Variants in FOCAD observed in about 807,000 individuals in gnomAD.
FOCAD encodes the protein focadhesin, also known as KIAA1797.
A neutral mutation model predicts 225.6 loss-of-function variants in FOCAD; 198 were observed. That is an observed-to-expected ratio of 0.88 (90% CI 0.78 to 0.99). The LOEUF is 0.99. Ranked by LOEUF, FOCAD falls within the 50% of genes least tolerant of loss-of-function variation. The probability of loss-of-function intolerance (pLI) is 0.00; values close to 1 mark genes in which losing one functional copy is unlikely to be tolerated. For synonymous variants in FOCAD, 897 were observed against 755.0 expected (o/e 1.19, Z -3.08); for missense variants, 2,713 against 2,123.6 (o/e 1.28, Z -5.46).
chr9:20,928,372 G>A (rs181811301), intron 26 of FOCAD, among the ~76,000 whole-genome samples: 10 of 152,230 alleles, frequency 6.6e-5, no homozygotes, highest in South Asian at 4.1e-4. Context: ...AACTTAGTAC[G>A]TTTGATTTTT....
chr9:20,685,645 AGC>A (rs1434310449), intron 1 of FOCAD, among the ~76,000 whole-genome samples: 1 of 152,220 alleles, frequency 6.6e-6, no homozygotes, highest in Non-Finnish European at 1.5e-5. Context: ...CAATTTTCAA[AGC>A]ATTTTCACTT....
intron 5 of FOCAD, among the ~76,000 whole-genome samples, chr9:20,753,005 A>G (rs1354591232): frequency 2.0e-5 from 3 of 151,472 alleles, no homozygotes; most frequent in Non-Finnish European, 4.4e-5. Context: ...TTGTACATTG[A>G]TTTTGTATCC....
At chr9:20,927,759 A>T (rs1201881232) in intron 26 of FOCAD, 1 of 152,148 alleles carries the variant, frequency 6.6e-6, no homozygotes, top group African/African-American at 2.4e-5. Context: ...GCAGAGGATT[A>T]TAGTTAATTT....
At chr9:20,903,016 T>C (rs1261535730) in intron 21 of FOCAD, among the ~76,000 whole-genome samples, 3 of 151,990 alleles carry the variant, frequency 2.0e-5, no homozygotes. Context: ...ACTAGAGTTC[T>C]CACATTTTAC....
At chr9:20,868,794 T>A (rs1460542562) in intron 18 of FOCAD, among the ~76,000 whole-genome samples, 4 of 152,054 alleles carry the variant, frequency 2.6e-5, no homozygotes, top group Non-Finnish European at 5.9e-5. Context: ...TATTCTGAAC[T>A]GAGGTTGAGA....
At chr9:20,733,285 C>T (rs1015408675) in intron 4 of FOCAD, among the ~76,000 whole-genome samples, 6 of 152,048 alleles carry the variant, frequency 3.9e-5, no homozygotes, top group African/African-American at 7.2e-5. Context: ...CAGAAGACAC[C>T]GTGGTTATTT....
At chr9:20,918,060 C>G (rs1033363350) in intron 24 of FOCAD, among the ~76,000 whole-genome samples, 5 of 152,212 alleles carry the variant, frequency 3.3e-5, no homozygotes, top group South Asian at 2.1e-4. Flanking sequence ...TGGTGAATTG[C>G]AGACATAGTG....
intron 8 of FOCAD, among the ~76,000 whole-genome samples, chr9:20,778,364 C>G (rs1278905402): frequency 2.0e-5 from 3 of 152,024 alleles, no homozygotes; most frequent in Non-Finnish European, 2.9e-5. Flanking sequence ...TCCTGAGTAG[C>G]TGGGAAATTA....
intron 35 of FOCAD, among the ~76,000 whole-genome samples, chr9:20,969,906 C>G (rs1257580865): frequency 6.6e-6 from 1 of 151,658 alleles, no homozygotes; most frequent in East Asian, 1.9e-4. Flanking sequence ...AACAAACTCC[C>G]TCAACTTTGT....
intron 1 of FOCAD, among the ~76,000 whole-genome samples, chr9:20,709,093 T>C (rs1824625124): frequency 6.6e-6 from 1 of 152,216 alleles, no homozygotes; most frequent in Non-Finnish European, 1.5e-5. Context: ...CCAAAGTGTT[T>C]TATCTACTGC....
intron 19 of FOCAD, among the ~76,000 whole-genome samples, chr9:20,876,264 C>T (rs750895380): frequency 5.9e-5 from 9 of 152,168 alleles, no homozygotes; most frequent in Admixed American, 2.6e-4. Flanking sequence ...TCTAAGGCCT[C>T]CCTGAAGTTA....
chr9:20,915,733 G>T lies in FOCAD; in HGVS notation c.2808-1160G>T, dbSNP rs1438620458. Among the ~76,000 whole-genome samples, 5 of 152,268 alleles carry T rather than the reference G, an allele frequency of 3.3e-5. No homozygotes were observed. In the South Asian group the frequency reaches 1.0e-3, roughly 32 times the overall value. On this transcript the variant is annotated intron_variant, in intron 23 of 43. Transcript: ENST00000338382. ...TTTTAGAGGGTAGATACTACAGTAT[G>T]TTCACATGCTAAGGGAAATAATACA...
At chr9:20,851,262 A>T (rs1393213057) in intron 15 of FOCAD, among the ~76,000 whole-genome samples, 1 of 150,128 alleles carries the variant, frequency 6.7e-6, no homozygotes, top group African/African-American at 2.4e-5. Context: ...ATCCATTGGT[A>T]TATTAAAATT....
chr9:20,747,919 GT>G lies in FOCAD; in HGVS notation c.392+7584del, dbSNP rs1486512524. On this transcript the variant is annotated intron_variant, in intron 5 of 43. Transcript: ENST00000338382. ...TAGTCTTTAGAGTAGTTTAGTTATT[GT>G]TTTTCATATCTACATACATTTCATT... 3.4e-5 allele frequency among the ~76,000 whole-genome samples: 5 copies of G among 148,154 alleles called. No homozygotes were observed. The Admixed American group carries it at 3.4e-4, about 10-fold the overall frequency.
At chr9:20,897,959 T>TA (rs1263970680) in intron 21 of FOCAD, among the ~76,000 whole-genome samples, 1 of 151,842 alleles carries the variant, frequency 6.6e-6, no homozygotes, top group Non-Finnish European at 1.5e-5. Context: ...TTTGCTTGTC[T>TA]GAGCAAGGCT....
At chr9:20,975,873 A>G (rs980114707) in intron 35 of FOCAD, among the ~76,000 whole-genome samples, 3 of 152,306 alleles carry the variant, frequency 2.0e-5, no homozygotes, top group South Asian at 2.1e-4. Flanking sequence ...ATAGAGGTAG[A>G]GAGTATAGAA....
intron 10 of FOCAD, 58 bp from the exon 11 acceptor site, chr9:20,789,293 A>G: frequency 1.9e-6 from 3 of 1,550,364 alleles, no homozygotes; most frequent in Non-Finnish European, 2.7e-6. Flanking sequence ...CCAGAAACAT[A>G]TTTCTGACAA....
chr9:20,979,342 TTTG>T (rs948830929), intron 37 of FOCAD, among the ~76,000 whole-genome samples: 7 of 152,284 alleles, frequency 4.6e-5, no homozygotes, highest in Admixed American at 1.3e-4. Context: ...TTTCTGTTTT[TTTG>T]TTGTTGTTTT....
chr9:20,676,016 G>A (rs1055845516), intron 2 of FOCAD, among the ~76,000 whole-genome samples: 1 of 152,182 alleles, frequency 6.6e-6, no homozygotes, highest in Non-Finnish European at 1.5e-5. Context: ...AATAAAACCT[G>A]AAGTAGAATC....
Sources: allele counts gnomAD v4.1 joint callset (sites outside exome capture counted in the v4.1 genomes callset), GRCh38; gene constraint gnomAD v4.1.1; transcripts MANE v1.5; gene names NCBI Gene and HGNC (gene_info 2026-07-23, HGNC 2026-07-21).